The following NFIB variants were observed in gnomAD, a reference collection of about 807,000 sequenced individuals.
NFIB encodes nuclear factor I B, also known as nuclear factor 1 B-type.
A neutral mutation model predicts 61.5 loss-of-function variants in NFIB; 11 were observed. The ratio of observed to expected loss-of-function variants is 0.18; its 90% CI spans 0.11 to 0.30. The LOEUF (loss-of-function observed/expected upper bound fraction) is 0.30, where lower values mean the gene tolerates loss of function less well. NFIB is among the 10% of genes least tolerant of loss of function. The pLI is 1.00. For missense variants in NFIB, 471 were observed against 608.9 expected, an observed-to-expected ratio of 0.77 and a Z score of 2.38; for synonymous variants, 260 against 216.5, an observed-to-expected ratio of 1.20 and a Z score of -1.76.
chr9:14,371,292 G>A (rs1291292505), intron 1 of NFIB, among the ~76,000 whole-genome samples: 3 of 152,152 alleles, frequency 2.0e-5, no homozygotes, highest in African/African-American at 7.2e-5. Flanking sequence ...TATGTTGTAG[G>A]AGAAAACACT....
intron 3 of NFIB, among the ~76,000 whole-genome samples, chr9:14,178,664 A>G (rs1256422201): frequency 6.6e-6 from 1 of 152,128 alleles, no homozygotes; most frequent in Non-Finnish European, 1.5e-5. Flanking sequence ...GTCTGTTTTG[A>G]TTTTGCATTT....
the NFIB span, among the ~76,000 whole-genome samples, chr9:14,455,631 A>G: frequency 6.6e-6 from 1 of 152,174 alleles, no homozygotes; most frequent in African/African-American, 2.4e-5. Context: ...AACGGATTAG[A>G]GAAGAGAATT....
intron 2 of NFIB, among the ~76,000 whole-genome samples, chr9:14,303,461 T>C (rs764038178): frequency 1.5e-4 from 23 of 152,342 alleles, no homozygotes; most frequent in East Asian, 3.9e-4. Flanking sequence ...CCAAGAATCA[T>C]TGGACGTCTT....
At chr9:14,130,618 T>C (rs17210326) in intron 6 of NFIB, among the ~76,000 whole-genome samples, 18,820 of 152,084 alleles carry the variant, frequency 0.12, 1,534 homozygotes, top group Non-Finnish European at 0.18. Context: ...CTAAGGAACA[T>C]GCTTTTACCA....
At chr9:14,462,549 TG>T in the NFIB span, among the ~76,000 whole-genome samples, 2 of 152,154 alleles carry the variant, frequency 1.3e-5, no homozygotes, top group African/African-American at 2.4e-5. Flanking sequence ...CCCAAAGTGC[TG>T]GGATTACAGG....
intron 1 of NFIB, among the ~76,000 whole-genome samples, chr9:14,377,106 A>AAG (rs531573936): frequency 6.6e-4 from 100 of 152,338 alleles, no homozygotes; most frequent in Non-Finnish European, 1.3e-3. Flanking sequence ...GGTATTATTG[A>AAG]AGAGATATAC....
intron 7 of NFIB, among the ~76,000 whole-genome samples, chr9:14,125,358 A>G (rs898802650): frequency 4.6e-5 from 7 of 152,048 alleles, no homozygotes; most frequent in African/African-American, 1.7e-4. Flanking sequence ...GGGTTCCACC[A>G]TGTTGGTCAG....
intron 1 of NFIB, among the ~76,000 whole-genome samples, chr9:14,347,852 A>C (rs1039600417): frequency 6.6e-6 from 1 of 152,082 alleles, no homozygotes. Flanking sequence ...TCTCTCGCCG[A>C]GGGTCCCAGT....
At chr9:14,414,446 A>G in the NFIB span, among the ~76,000 whole-genome samples, 35 of 150,628 alleles carry the variant, frequency 2.3e-4, no homozygotes, top group South Asian at 6.3e-4. Context: ...AAAAAAAAAA[A>G]AAAAAGAAAA....
Position 14,306,927 on chromosome 9 carries a change from C to CT in NFIB, c.562+61dup, listed in dbSNP as rs1023580414. The CT allele has an allele frequency of 5.1e-6, 8 of 1,577,930 alleles. No homozygotes were observed. The African/African-American group carries it at 9.4e-5, about 19-fold the overall frequency. ...GACCATCTAACTCAAGCCAGATACT[C>CT]TGTCTACGGAGATTTGTAGGCGGTG... On this transcript the variant is annotated intron_variant, in intron 2 of 10. Transcript: ENST00000380953.
At chr9:14,427,937 GTTTTTTTTTT>G in the NFIB span, among the ~76,000 whole-genome samples, 464 of 43,428 alleles carry the variant, frequency 0.011, 3 homozygotes, top group African/African-American at 0.029. Flanking sequence ...TAATTCAGTT[GTTTTTTTTTT>G]TTTTTTTTTT....
At chr9:14,310,875 G>A (rs922286350) in intron 1 of NFIB, among the ~76,000 whole-genome samples, 2 of 152,074 alleles carry the variant, frequency 1.3e-5, no homozygotes, top group Non-Finnish European at 2.9e-5. Context: ...CCATGAAAGG[G>A]ATGGATAATT....
chr9:14,286,153 A>T (rs543326575), intron 2 of NFIB, among the ~76,000 whole-genome samples: 22 of 152,294 alleles, frequency 1.4e-4, no homozygotes, highest in African/African-American at 5.3e-4. Context: ...GGTGTACCCC[A>T]ATGCCACATT....
In NFIB at chr9:14,155,355, C is replaced by T. The variant is rs75735029; in HGVS notation, c.685+470G>A. ...AACAATGCTTTCTATCTATATCCAA[C>T]TACAATCTGCAAAGTTAATTTCTGC... On this transcript the variant is annotated intron_variant, in intron 4 of 10. Coordinates refer to ENST00000380953, the MANE Select transcript of NFIB (RefSeq NM_001190737.2). Among the ~76,000 whole-genome samples the T allele has an allele frequency of 3.0e-3, 460 of 152,290 alleles. 4 individuals are homozygous for T. Among genetic ancestry groups the T allele is most frequent in the African/African-American group, 0.011 (437 of 41,558 alleles).
chr9:14,355,556 A>C lies in NFIB; in HGVS notation c.108+42968T>G, dbSNP rs143861717. On this transcript the variant is annotated intron_variant, in intron 1 of 8. Coordinates refer to the NFIB transcript ENST00000380934. ...GGGTTACCAGATTCTCTATTTGAAG[A>C]ATCTTTTGCTTTTTAAATATTGGCA... Among the ~76,000 whole-genome samples the C allele has an allele frequency of 3.6e-3, 544 of 152,278 alleles. 2 individuals carry two copies. The highest frequency in any genetic ancestry group is 6.6e-3 in the Non-Finnish European group (449 of 68,012).
At chr9:14,155,306 A>C (rs2043274928) in intron 4 of NFIB, among the ~76,000 whole-genome samples, 1 of 152,158 alleles carries the variant, frequency 6.6e-6, no homozygotes. Flanking sequence ...TGGCCAGTTA[A>C]AACAATTGGA....
the NFIB span, among the ~76,000 whole-genome samples, chr9:14,414,895 T>C: frequency 6.6e-6 from 1 of 152,204 alleles, no homozygotes; most frequent in Non-Finnish European, 1.5e-5. Flanking sequence ...CCCCACACAC[T>C]GTCAGATAAG....
chr9:14,286,902 C>T (rs1003490629), intron 2 of NFIB, among the ~76,000 whole-genome samples: 1 of 152,116 alleles, frequency 6.6e-6, no homozygotes, highest in African/African-American at 2.4e-5. Context: ...ACAACATAAT[C>T]AACACTGAAC....
intron 1 of NFIB, among the ~76,000 whole-genome samples, chr9:14,391,940 G>A (rs770566874): frequency 1.1e-4 from 17 of 152,130 alleles, no homozygotes; most frequent in Non-Finnish European, 5.9e-5. Flanking sequence ...CCTACTTCTG[G>A]CCGTCAGCTG....
Sources: gnomAD v4.1 joint callset for allele counts (sites outside exome capture counted in the v4.1 genomes callset) on GRCh38, gnomAD v4.1.1 for gene constraint, MANE v1.5 for transcripts, NCBI Gene and HGNC (gene_info 2026-07-23, HGNC 2026-07-21) for gene names.